RAD17: variants seen among roughly 807,000 people sequenced by gnomAD.
RAD17 encodes RAD17 checkpoint clamp loader component.
Under a neutral mutation model 81.5 loss-of-function variants are expected in RAD17, and 31 were observed. That is an observed-to-expected ratio of 0.38 (90% CI 0.29 to 0.51). The LOEUF is 0.51. RAD17 is among the 20% of genes least tolerant of loss of function. RAD17 has a pLI of 0.88. For synonymous variants in RAD17, 261 were observed against 266.2 expected (o/e 0.98, Z 0.19); for missense variants, 681 against 781.2 (o/e 0.87, Z 1.53).
rs775228413 is a variant in RAD17 at position 69,377,587 on chromosome 5, A to G, written c.351+2876A>G. Among the ~76,000 whole-genome samples, 22 of 7,178 alleles carry G rather than the reference A, an allele frequency of 3.1e-3. 5 individuals are homozygous for G. In the East Asian group the frequency reaches 0.041, roughly 13 times the overall value. 4.7% of individuals were successfully genotyped at this position (7,178 alleles called of 152,430 possible). ...TATATATATGCATATATATGTATAC[A>G]TATATATATGCATATATATATGTAT... On this transcript the variant is annotated intron_variant, in intron 6 of 18. Coordinates refer to ENST00000354868, the MANE Select transcript of RAD17 (RefSeq NM_133338.3).
In RAD17 at chr5:69,414,637, T is replaced by C; in HGVS notation, c.*345T>C. 1 of 329,392 alleles carries C rather than the reference T, an allele frequency of 3.0e-6. No individual in the cohort carries two copies. Among genetic ancestry groups the C allele is most frequent in the Non-Finnish European group, 5.6e-6 (1 of 178,222 alleles). 20.4% of individuals were successfully genotyped at this position (329,392 alleles called of 1,614,324 possible). On this transcript the variant is annotated 3_prime_UTR_variant, in exon 19 of 19. Transcript: ENST00000354868. ...ATTGGGGGGTTGTAAATATCAACTATTCAACAGTTTAGGATGCAATTACGA... is the reference window on the plus strand; with the variant it reads ...ATTGGGGGGTTGTAAATATCAACTACTCAACAGTTTAGGATGCAATTACGA...
At chr5:69,399,855 T>A (rs902714894) in intron 16 of RAD17, among the ~76,000 whole-genome samples, 194 bp from the exon 17 acceptor site, 1 of 152,180 alleles carries the variant, frequency 6.6e-6, no homozygotes, top group Admixed American at 6.6e-5. Flanking sequence ...GTAGGTAAAA[T>A]ACTTTATTAA....
intron 11 of RAD17, among the ~76,000 whole-genome samples, chr5:69,388,710 G>A (rs1033154512): frequency 6.6e-6 from 1 of 151,918 alleles, no homozygotes; most frequent in Admixed American, 6.6e-5. Context: ...GGTCTCAAGT[G>A]ATCCTCCCAT....
intron 17 of RAD17, among the ~76,000 whole-genome samples, chr5:69,407,320 A>G (rs1350178777): frequency 6.6e-6 from 1 of 151,974 alleles, no homozygotes; most frequent in Non-Finnish European, 1.5e-5. Flanking sequence ...AGATGTGCAA[A>G]CTTTAAAAGG....
intron 9 of RAD17, 36 bp downstream of exon 9, chr5:69,386,131 A>T: frequency 6.2e-7 from 1 of 1,600,554 alleles, no homozygotes; most frequent in Non-Finnish European, 8.5e-7. Context: ...ACTCCAAATT[A>T]AATGAGAAGT....
intron 11 of RAD17, among the ~76,000 whole-genome samples, chr5:69,387,787 G>C (rs1764306730): frequency 6.6e-6 from 1 of 152,088 alleles, no homozygotes; most frequent in African/African-American, 2.4e-5. Flanking sequence ...AACCCAGGGG[G>C]TGGAGGTTGC....
In RAD17 at chr5:69,371,145, A is replaced by G. The variant is rs772000993; in HGVS notation, c.-306A>G. ...TTTTCAGTATAAAAATTGCTCAAAT[A>G]GAATTGCCTGATTTTAATGACAAAA... is the stretch of plus-strand genomic sequence containing the variant. On this transcript the variant is annotated 5_prime_UTR_variant, in exon 2 of 19. It adds an upstream start codon to the 5' untranslated region. Transcript: ENST00000354868. 2 of 492,930 alleles carry G rather than the reference A, an allele frequency of 4.1e-6. No homozygotes were observed. Among genetic ancestry groups the G allele is most frequent in the Non-Finnish European group, 7.9e-6 (2 of 254,434 alleles). 30.5% of individuals were successfully genotyped at this position (492,930 alleles called of 1,614,324 possible). A position where few individuals can be genotyped will look rare whatever the true frequency, so the allele number is the denominator to read the frequency against.
At chr5:69,408,335 G>T (rs1333043215) in intron 17 of RAD17, among the ~76,000 whole-genome samples, 2 of 152,018 alleles carry the variant, frequency 1.3e-5, no homozygotes, top group Non-Finnish European at 2.9e-5. Flanking sequence ...AATGAAGTCT[G>T]TCTTTTGCAA....
At chr5:69,381,812 A>T in intron 6 of RAD17, 89 bp from the exon 7 acceptor site, 1 of 926,872 alleles carries the variant, frequency 1.1e-6, no homozygotes, top group Non-Finnish European at 1.6e-6. Context: ...TATTTATAGA[A>T]GTAAATATAT....
chr5:69,374,549 G>T lies in RAD17; in HGVS notation c.268-79G>T, dbSNP rs551390616. ...TTTGCTACTTCTTTTCGTTAATAATGCTTAGGTTCATATGTGCTGATGTAC... is the reference window on the plus strand; with the variant it reads ...TTTGCTACTTCTTTTCGTTAATAATTCTTAGGTTCATATGTGCTGATGTAC... On this transcript the variant is annotated intron_variant, in intron 5 of 18. Transcript: ENST00000354868. 6.6e-5 allele frequency: 58 copies of T among 879,494 alleles called. No individual in the cohort carries two copies. The South Asian group carries it at 9.5e-4, about 14-fold the overall frequency. The allele number at this position is 879,494 out of a possible 1,614,324, so 54.5% of individuals were successfully genotyped here. A position where few individuals can be genotyped will look rare whatever the true frequency, so the allele number is the denominator to read the frequency against.
At chr5:69,396,345 G>A (rs1764883900) in intron 15 of RAD17, 52 bp from the exon 16 acceptor site, 6 of 1,563,544 alleles carry the variant, frequency 3.8e-6, no homozygotes, top group African/African-American at 1.4e-5. Context: ...AGGAATACCA[G>A]TAATGCTCTT....
intron 3 of RAD17, 85 bp from the exon 4 acceptor site, chr5:69,371,949 C>A: frequency 1.4e-6 from 1 of 690,900 alleles, no homozygotes; most frequent in Non-Finnish European, 2.1e-6. Context: ...TGCAGGGTAG[C>A]TATTTCCCTA....
At chr5:69,378,940 A>T (rs1287087993) in intron 6 of RAD17, among the ~76,000 whole-genome samples, 2 of 152,180 alleles carry the variant, frequency 1.3e-5, no homozygotes, top group African/African-American at 4.8e-5. Context: ...AAAGCATACC[A>T]TTAAAAAGTA....
intron 11 of RAD17, among the ~76,000 whole-genome samples, chr5:69,388,258 G>T (rs986474032): frequency 6.6e-6 from 1 of 151,990 alleles, no homozygotes; most frequent in Non-Finnish European, 1.5e-5. Context: ...AGAAATAATT[G>T]GTGTAATTAT....
At position 69,410,561 on chromosome 5, in the gene RAD17, C is replaced by G. The variant is rs370829815; in HGVS notation, c.1751+11C>G. 1.2e-6 allele frequency: 2 copies of G among 1,611,074 alleles called. No homozygotes were observed. Among genetic ancestry groups the G allele is most frequent in the Non-Finnish European group, 1.7e-6 (2 of 1,177,664 alleles). On this transcript the variant is annotated intron_variant, in intron 18 of 18. Transcript: ENST00000354868. ...GCGACACTTTGGAAGGTAAGCTGATCATCTCAATTTCCAAAAAGCTGATAA... is the reference window on the plus strand; with the variant it reads ...GCGACACTTTGGAAGGTAAGCTGATGATCTCAATTTCCAAAAAGCTGATAA...
At chr5:69,397,618 T>G (rs1275010284) in intron 16 of RAD17, among the ~76,000 whole-genome samples, 1 of 152,080 alleles carries the variant, frequency 6.6e-6, no homozygotes, top group East Asian at 1.9e-4. Flanking sequence ...AGAAAAAAAT[T>G]GTAAATAAAT....
chr5:69,409,501 T>A (rs900542969), intron 17 of RAD17, among the ~76,000 whole-genome samples: 1 of 152,184 alleles, frequency 6.6e-6, no homozygotes, highest in African/African-American at 2.4e-5. Context: ...TTGGTTTTCT[T>A]GAATAGATCT....
upstream of RAD17, chr5:69,369,636 C>G (rs1348708903): frequency 6.4e-7 from 1 of 1,564,684 alleles, no homozygotes; most frequent in East Asian, 2.4e-5. Flanking sequence ...CCCGGCGGCC[C>G]AGCCGCGGCC....
intron 17 of RAD17, 152 bp downstream of exon 17, chr5:69,400,321 A>T (rs923569865): frequency 2.6e-5 from 11 of 431,096 alleles, no homozygotes; most frequent in African/African-American, 2.3e-4. Context: ...GGGTTCAAGC[A>T]ATTCTGTTCC....
Sources: allele counts gnomAD v4.1 joint callset (sites outside exome capture counted in the v4.1 genomes callset), GRCh38; gene constraint gnomAD v4.1.1; transcripts MANE v1.5; gene names NCBI Gene and HGNC (gene_info 2026-07-23, HGNC 2026-07-21).